The following PKNOX2 variants were observed in gnomAD, a reference collection of about 807,000 sequenced individuals.
PKNOX2 encodes PBX/knotted 1 homeobox 2.
PKNOX2 carries 14 observed loss-of-function variants against 53.1 expected under a neutral mutation model. The ratio of observed to expected loss-of-function variants is 0.26; its 90% CI spans 0.17 to 0.41. PKNOX2 has a LOEUF of 0.41. Among genes scored for constraint, PKNOX2 ranks in the 10% least tolerant of loss-of-function variants. The pLI, the probability that PKNOX2 is intolerant of heterozygous loss-of-function variation, is 1.00. For synonymous variants in PKNOX2, 257 were observed against 242.8 expected (o/e 1.06, Z -0.54); for missense variants, 496 against 602.8 (o/e 0.82, Z 1.85).
intron 4 of PKNOX2, among the ~76,000 whole-genome samples, chr11:125,358,170 T>A (rs964533968): frequency 3.9e-5 from 6 of 152,240 alleles, no homozygotes; most frequent in African/African-American, 1.4e-4. Flanking sequence ...GCAGCCCAGA[T>A]GGGATTTAAC....
intron 2 of PKNOX2, among the ~76,000 whole-genome samples, chr11:125,269,290 G>A (rs369000799): frequency 5.9e-5 from 9 of 151,926 alleles, no homozygotes; most frequent in East Asian, 1.9e-4. Flanking sequence ...AAGTGAGACC[G>A]CAGGTATTCA....
At chr11:125,227,176 A>G (rs923255591) in intron 1 of PKNOX2, among the ~76,000 whole-genome samples, 2 of 152,108 alleles carry the variant, frequency 1.3e-5, no homozygotes, top group African/African-American at 2.4e-5. Context: ...TCTCAATGAC[A>G]CCCTGCGCTG....
At chr11:125,414,929 A>G (rs529680720) in intron 10 of PKNOX2, among the ~76,000 whole-genome samples, 27 of 152,324 alleles carry the variant, frequency 1.8e-4, no homozygotes, top group Admixed American at 1.2e-3. Flanking sequence ...AATATTAATC[A>G]GAGGTAGATA....
chr11:125,389,706 C>T (rs79181720), intron 6 of PKNOX2, among the ~76,000 whole-genome samples: 10,140 of 152,280 alleles, frequency 0.067, 467 homozygotes, highest in Non-Finnish European at 0.083. Context: ...GATTTACGGG[C>T]CCCCGGTGCA....
rs572955478 is a variant in PKNOX2 at position 125,356,033 on chromosome 11, C to A, written c.87+4641C>A. ...AAACACACTCTCACTATCAGCACCC[C>A]CCCCCCCACAACTTTTCCTCAAACA... On this transcript the variant is annotated intron_variant, in intron 4 of 12. Transcript: ENST00000298282. 1.3e-3 allele frequency among the ~76,000 whole-genome samples: 194 copies of A among 148,036 alleles called. 3 individuals are homozygous for A. Among genetic ancestry groups the A allele is most frequent in the South Asian group, 7.5e-3 (31 of 4,158 alleles).
chr11:125,381,870 T>A (rs907231002), intron 5 of PKNOX2, among the ~76,000 whole-genome samples: 4 of 152,148 alleles, frequency 2.6e-5, no homozygotes, highest in African/African-American at 9.7e-5. Context: ...CGTGACTACG[T>A]CTCATCATCC....
chr11:125,306,055 C>T (rs1185312193), intron 2 of PKNOX2, among the ~76,000 whole-genome samples: 1 of 152,124 alleles, frequency 6.6e-6, no homozygotes, highest in Non-Finnish European at 1.5e-5. Flanking sequence ...TTAGCCATCC[C>T]TCCCCAAGGT....
At chr11:125,260,345 C>T (rs572260102) in intron 2 of PKNOX2, among the ~76,000 whole-genome samples, 3 of 152,216 alleles carry the variant, frequency 2.0e-5, no homozygotes, top group South Asian at 2.1e-4. Context: ...ACTACAGGCA[C>T]GTGCCACCAC....
intron 6 of PKNOX2, among the ~76,000 whole-genome samples, chr11:125,390,350 G>C (rs563850356): frequency 3.0e-4 from 45 of 152,234 alleles, no homozygotes; most frequent in Middle Eastern, 3.4e-3. Flanking sequence ...CAAGACTCGC[G>C]CTCCAGTGAC....
intron 1 of PKNOX2, among the ~76,000 whole-genome samples, chr11:125,205,375 G>T (rs946733465): frequency 6.6e-6 from 1 of 152,230 alleles, no homozygotes; most frequent in Non-Finnish European, 1.5e-5. Flanking sequence ...CCACAACCAT[G>T]TTCTTCATGC....
Position 125,292,038 on chromosome 11 carries a change from C to T in PKNOX2, c.-129-39781C>T, listed in dbSNP as rs949613216. Among the ~76,000 whole-genome samples, 4 of 152,266 alleles carry T rather than the reference C, an allele frequency of 2.6e-5. No homozygotes were observed. The South Asian group carries it at 6.2e-4, about 24-fold the overall frequency. On this transcript the variant is annotated intron_variant, in intron 2 of 12. Transcript: ENST00000298282. ...AATATAACTATGGCACTGAATTGTA[C>T]ATTTAATGGTTAAAATGGCATATTT... is the stretch of plus-strand genomic sequence containing the variant.
chr11:125,351,162 G>A, intron 3 of PKNOX2, 122 bp from the exon 4 acceptor site: 1 of 704,532 alleles, frequency 1.4e-6, no homozygotes, highest in East Asian at 2.7e-5. Flanking sequence ...TGAAGGGCGT[G>A]CAACCCTTGC....
chr11:125,323,855 T>G (rs983152210), intron 2 of PKNOX2, among the ~76,000 whole-genome samples: 119 of 149,892 alleles, frequency 7.9e-4, no homozygotes, highest in Non-Finnish European at 1.4e-3. Context: ...GTTTCTGGGG[T>G]TGTGTGTGTG....
rs560940870 is a variant in PKNOX2 at position 125,346,490 on chromosome 11, G to A, written c.-22-4794G>A. Among the ~76,000 whole-genome samples, 10 of 152,280 alleles carry A rather than the reference G, an allele frequency of 6.6e-5. No homozygotes were observed. In the South Asian group the frequency reaches 1.9e-3, roughly 28 times the overall value. The stretch of plus-strand genomic sequence containing the variant: ...ATAAGTGGTAGATTCTACTGGATGT[G>A]GAATCCAGAATTTTTTTTACCCCAA... On this transcript the variant is annotated intron_variant, in intron 3 of 12. Coordinates refer to ENST00000298282, the MANE Select transcript of PKNOX2 (RefSeq NM_001382323.2).
chr11:125,170,268 G>T (rs1206419294), intron 1 of PKNOX2, among the ~76,000 whole-genome samples: 1 of 152,218 alleles, frequency 6.6e-6, no homozygotes, highest in Non-Finnish European at 1.5e-5. Context: ...AGCTAGCTCT[G>T]ATCCTGGAGA....
At chr11:125,306,052 T>C (rs1397005769) in intron 2 of PKNOX2, among the ~76,000 whole-genome samples, 2 of 151,968 alleles carry the variant, frequency 1.3e-5, no homozygotes, top group Non-Finnish European at 2.9e-5. Context: ...CCATTAGCCA[T>C]CCCTCCCCAA....
At chr11:125,319,037 T>G (rs1466196740) in intron 2 of PKNOX2, among the ~76,000 whole-genome samples, 1 of 152,222 alleles carries the variant, frequency 6.6e-6, no homozygotes, top group Non-Finnish European at 1.5e-5. Flanking sequence ...GGTATTTCTT[T>G]ATAGCAATGT....
At chr11:125,376,535 C>A (rs945126296) in intron 5 of PKNOX2, among the ~76,000 whole-genome samples, 2 of 152,198 alleles carry the variant, frequency 1.3e-5, no homozygotes, top group Admixed American at 1.3e-4. Context: ...AAGGCAGGTC[C>A]TTTCGTAGCA....
chr11:125,165,835 G>C lies in PKNOX2; in HGVS notation c.-201+1059G>C, dbSNP rs191084228. ...AGCGATCGAGAGCGGAGAGCTGAGG[G>C]GGATGGCGCAGGATCCCGAATCTGC... On this transcript the variant is annotated intron_variant, in intron 1 of 12. Transcript: ENST00000298282. This position sits in a 1 kb window ranked among gnomAD's most constrained non-coding sequence, Gnocchi z 4.5. Among the ~76,000 whole-genome samples the C allele has an allele frequency of 3.1e-3, 468 of 152,324 alleles. No individual in the cohort carries two copies. The highest frequency in any genetic ancestry group is 5.0e-3 in the Non-Finnish European group (340 of 68,028).
Sources: gnomAD v4.1 joint callset for allele counts (sites outside exome capture counted in the v4.1 genomes callset) on GRCh38, gnomAD v4.1.1 for gene constraint, Gnocchi (gnomAD v3.1) non-coding constraint, MANE v1.5 for transcripts, NCBI Gene and HGNC (gene_info 2026-07-23, HGNC 2026-07-21) for gene names.